Variants in GABRB2 observed in about 807,000 individuals in gnomAD.
The protein encoded by GABRB2 is gamma-aminobutyric acid type A receptor subunit beta2.
In GABRB2, 16 loss-of-function variants were observed where a neutral mutation model predicts 54.7. That is an observed-to-expected ratio of 0.29 (90% CI 0.20 to 0.44). The LOEUF (loss-of-function observed/expected upper bound fraction) is 0.44, where lower values mean the gene tolerates loss of function less well. Among genes scored for constraint, GABRB2 ranks in the 20% least tolerant of loss-of-function variants. The pLI, the probability that GABRB2 is intolerant of heterozygous loss-of-function variation, is 1.00. For synonymous variants in GABRB2, 244 were observed against 233.8 expected (o/e 1.04, Z -0.40); for missense variants, 355 against 644.0 (o/e 0.55, Z 4.86).
intron 4 of GABRB2, among the ~76,000 whole-genome samples, chr5:161,453,096 A>G (rs1417919780): frequency 6.6e-6 from 1 of 152,156 alleles, no homozygotes; most frequent in Non-Finnish European, 1.5e-5. Context: ...ACCATATTTC[A>G]GTCTGTTTTA....
At chr5:161,441,597 T>G (rs914091762) in intron 4 of GABRB2, among the ~76,000 whole-genome samples, 6 of 152,198 alleles carry the variant, frequency 3.9e-5, no homozygotes, top group African/African-American at 1.4e-4. Flanking sequence ...GCTATCGCAC[T>G]GCTGGGTATA....
chr5:161,480,950 T>C (rs924849623), intron 3 of GABRB2, among the ~76,000 whole-genome samples: 5 of 152,136 alleles, frequency 3.3e-5, no homozygotes, highest in Admixed American at 2.0e-4. Flanking sequence ...GGTCATAGAT[T>C]TGGGATTTTA....
intron 5 of GABRB2, among the ~76,000 whole-genome samples, chr5:161,345,299 T>G (rs1754289809): frequency 6.6e-6 from 1 of 152,092 alleles, no homozygotes; most frequent in African/African-American, 2.4e-5. Context: ...GATCTATTTC[T>G]ATGCTTTAAA....
intron 8 of GABRB2, among the ~76,000 whole-genome samples, chr5:161,328,936 C>G (rs1388253141): frequency 6.6e-6 from 1 of 152,018 alleles, no homozygotes; most frequent in Non-Finnish European, 1.5e-5. Flanking sequence ...CTTTTTTGTT[C>G]TCTCATATTC....
At chr5:161,310,356 G>A (rs965610830) in intron 9 of GABRB2, among the ~76,000 whole-genome samples, 2 of 152,152 alleles carry the variant, frequency 1.3e-5, no homozygotes, top group Admixed American at 6.5e-5. Context: ...TTTTCTTGAA[G>A]CCTTTGTATA....
intron 5 of GABRB2, among the ~76,000 whole-genome samples, chr5:161,360,749 C>T (rs1039593504): frequency 2.6e-5 from 4 of 152,188 alleles, no homozygotes; most frequent in African/African-American, 7.2e-5. Context: ...TTAAATGTTA[C>T]GTATTTCCTG....
chr5:161,363,924 T>C (rs1379310810), intron 5 of GABRB2, among the ~76,000 whole-genome samples: 1 of 152,204 alleles, frequency 6.6e-6, no homozygotes, highest in African/African-American at 2.4e-5. Flanking sequence ...ATATTCAGTG[T>C]TTTGTTTATA....
chr5:161,337,985 A>T (rs1453701163), intron 5 of GABRB2, among the ~76,000 whole-genome samples: 2 of 152,190 alleles, frequency 1.3e-5, no homozygotes, highest in Non-Finnish European at 2.9e-5. Flanking sequence ...GCCTTTTGAC[A>T]TGTGACTAGT....
chr5:161,478,037 GTAGT>G (rs1312783896), intron 3 of GABRB2, among the ~76,000 whole-genome samples: 1 of 151,890 alleles, frequency 6.6e-6, no homozygotes, highest in Non-Finnish European at 1.5e-5. Flanking sequence ...GGATTTCTAC[GTAGT>G]TATTTAGCAA....
At chr5:161,481,828 T>C (rs1285849273) in intron 3 of GABRB2, among the ~76,000 whole-genome samples, 2 of 151,990 alleles carry the variant, frequency 1.3e-5, no homozygotes, top group Admixed American at 6.6e-5. Context: ...GGAACTAGAA[T>C]GACTTAGCTA....
At chr5:161,428,137 A>G (rs1757059208) in intron 4 of GABRB2, among the ~76,000 whole-genome samples, 1 of 152,174 alleles carries the variant, frequency 6.6e-6, no homozygotes, top group African/African-American at 2.4e-5. Flanking sequence ...AACACAATGC[A>G]TTAGGCTAGT....
intron 3 of GABRB2, among the ~76,000 whole-genome samples, chr5:161,521,782 T>C (rs1467705846): frequency 2.0e-5 from 3 of 151,924 alleles, no homozygotes; most frequent in Admixed American, 6.6e-5. Flanking sequence ...AACCAACTTA[T>C]GGAGGTTGAT....
chr5:161,386,819 C>G (rs1755652748), intron 5 of GABRB2, among the ~76,000 whole-genome samples: 3 of 49,832 alleles, frequency 6.0e-5, no homozygotes, highest in Non-Finnish European at 1.2e-4. Context: ...GCCACTGTGC[C>G]CAGCCAAAAA....
intron 3 of GABRB2, among the ~76,000 whole-genome samples, chr5:161,529,393 C>T (rs564457812): frequency 1.3e-5 from 2 of 152,064 alleles, no homozygotes; most frequent in South Asian, 2.1e-4. Flanking sequence ...GAAAATTTCA[C>T]ATTTTCTTTC....
At chr5:161,448,248 C>T (rs896314524) in intron 4 of GABRB2, among the ~76,000 whole-genome samples, 1 of 152,018 alleles carries the variant, frequency 6.6e-6, no homozygotes, top group Non-Finnish European at 1.5e-5. Flanking sequence ...CATAGTGAGA[C>T]CTTGTCTGTA....
At chr5:161,314,092 T>G (rs989357384) in intron 9 of GABRB2, among the ~76,000 whole-genome samples, 12 of 152,338 alleles carry the variant, frequency 7.9e-5, no homozygotes, top group African/African-American at 2.9e-4. Flanking sequence ...GAGACCAACA[T>G]TTTCCACTAA....
At chr5:161,431,840 T>C (rs1250240541) in intron 4 of GABRB2, among the ~76,000 whole-genome samples, 1 of 152,196 alleles carries the variant, frequency 6.6e-6, no homozygotes, top group Non-Finnish European at 1.5e-5. Context: ...CACGGTTTTA[T>C]ATTCAATGCA....
intron 9 of GABRB2, among the ~76,000 whole-genome samples, chr5:161,325,289 A>G (rs560782723): frequency 9.8e-5 from 15 of 152,288 alleles, no homozygotes; most frequent in African/African-American, 3.6e-4. Context: ...AGGTGATGGA[A>G]TGTTTAGGGG....
chr5:161,536,994 T>C (rs1213205663), intron 3 of GABRB2, among the ~76,000 whole-genome samples: 3 of 152,160 alleles, frequency 2.0e-5, no homozygotes, highest in Non-Finnish European at 2.9e-5. Flanking sequence ...CTCCTCTTGC[T>C]ACATTTCACC....
Sources: gnomAD v4.1 joint callset for allele counts (sites outside exome capture counted in the v4.1 genomes callset) on GRCh38, gnomAD v4.1.1 for gene constraint, MANE v1.5 for transcripts, NCBI Gene and HGNC (gene_info 2026-07-23, HGNC 2026-07-21) for gene names.